TRAPPC9: variants seen among roughly 807,000 people sequenced by gnomAD.
The protein encoded by TRAPPC9 is IKK2 binding protein.
In TRAPPC9, 83 loss-of-function variants were observed where a neutral mutation model predicts 124.0. The observed-to-expected ratio is 0.67, with a 90% CI of 0.56 to 0.80. The LOEUF is 0.80. Among genes scored for constraint, TRAPPC9 ranks in the 30% least tolerant of loss-of-function variants. The pLI, the probability that TRAPPC9 is intolerant of heterozygous loss-of-function variation, is 0.00. For synonymous variants in TRAPPC9, 638 were observed against 617.5 expected, an observed-to-expected ratio of 1.03 and a Z score of -0.49; for missense variants, 1,302 against 1,508.3, an observed-to-expected ratio of 0.86 and a Z score of 2.27.
At chr8:140,062,735 T>C (rs1842696236) in intron 17 of TRAPPC9, among the ~76,000 whole-genome samples, 1 of 152,136 alleles carries the variant, frequency 6.6e-6, no homozygotes, top group Non-Finnish European at 1.5e-5. Context: ...CACTGCGTCA[T>C]TACCGGCACG....
intron 17 of TRAPPC9, among the ~76,000 whole-genome samples, chr8:140,105,029 G>T (rs76077994): frequency 0.013 from 1,979 of 152,232 alleles, 50 homozygotes; most frequent in African/African-American, 0.045. Context: ...GCCACCACTT[G>T]GCCGGCTCCA....
chr8:140,195,085 A>G (rs979824518), intron 17 of TRAPPC9, among the ~76,000 whole-genome samples: 3 of 151,702 alleles, frequency 2.0e-5, no homozygotes, highest in Non-Finnish European at 4.4e-5. Context: ...ACACTCAAGG[A>G]TCCACCATAC....
intron 7 of TRAPPC9, among the ~76,000 whole-genome samples, chr8:140,397,203 T>C (rs894783720): frequency 1.3e-5 from 2 of 152,332 alleles, no homozygotes; most frequent in Non-Finnish European, 2.9e-5. Flanking sequence ...TAAAGTATTA[T>C]TTGCTGGGTT....
intron 16 of TRAPPC9, among the ~76,000 whole-genome samples, chr8:140,245,418 A>T (rs2063958107): frequency 6.6e-6 from 1 of 152,110 alleles, no homozygotes; most frequent in South Asian, 2.1e-4. Flanking sequence ...TGCGTCATTT[A>T]ACTCTCTCTT....
intron 21 of TRAPPC9, among the ~76,000 whole-genome samples, chr8:139,741,578 A>G (rs1161831882): frequency 2.0e-5 from 3 of 152,208 alleles, no homozygotes; most frequent in Non-Finnish European, 4.4e-5. Context: ...AGTGGTTCGT[A>G]GTATATTCAG....
At chr8:140,115,754 T>C (rs2060871526) in intron 17 of TRAPPC9, among the ~76,000 whole-genome samples, 1 of 152,100 alleles carries the variant, frequency 6.6e-6, no homozygotes, top group South Asian at 2.1e-4. Flanking sequence ...ATACAGCCTT[T>C]GGAACCAGAT....
intron 17 of TRAPPC9, among the ~76,000 whole-genome samples, chr8:140,187,417 T>G (rs1027354577): frequency 6.6e-6 from 1 of 152,160 alleles, no homozygotes; most frequent in African/African-American, 2.4e-5. Flanking sequence ...ACGCTCGACC[T>G]ATACTAAGAA....
chr8:139,960,818 G>T (rs1234697556), intron 19 of TRAPPC9, among the ~76,000 whole-genome samples: 1 of 125,066 alleles, frequency 8.0e-6, no homozygotes, highest in Non-Finnish European at 1.9e-5. Flanking sequence ...ACTGCAGCTG[G>T]TGGGGCTCAG....
At chr8:140,457,801 A>G (rs1026249663), upstream of TRAPPC9, 35 of 1,025,560 alleles carry the variant, frequency 3.4e-5, no homozygotes, top group African/African-American at 5.8e-4. Context: ...TGGGCCCCCG[A>G]TCCGTCCCGG....
chr8:140,170,763 C>A (rs2061951067), intron 17 of TRAPPC9, among the ~76,000 whole-genome samples: 1 of 152,170 alleles, frequency 6.6e-6, no homozygotes, highest in Non-Finnish European at 1.5e-5. Context: ...GGTCACAACA[C>A]CCTCATTTCC....
chr8:140,076,351 C>A (rs921008863), intron 17 of TRAPPC9, among the ~76,000 whole-genome samples: 3 of 152,184 alleles, frequency 2.0e-5, no homozygotes, highest in African/African-American at 7.2e-5. Context: ...GTGACACTCT[C>A]CAGTGACACC....
At chr8:140,148,787 T>C (rs2061498417) in intron 17 of TRAPPC9, among the ~76,000 whole-genome samples, 1 of 152,230 alleles carries the variant, frequency 6.6e-6, no homozygotes, top group South Asian at 2.1e-4. Flanking sequence ...TGGGGACTAG[T>C]AAGCTCATAG....
intron 21 of TRAPPC9, among the ~76,000 whole-genome samples, chr8:139,832,444 G>A (rs1472879954): frequency 2.6e-5 from 4 of 152,322 alleles, no homozygotes; most frequent in African/African-American, 2.4e-5. Context: ...GGTCTGGGAC[G>A]AGCAGGTATG....
rs112251508 is a variant in TRAPPC9, at chr8:140,052,928, C to T, written c.2557-28849G>A. On this transcript the variant is annotated intron_variant, in intron 17 of 22. Transcript: ENST00000438773. ...AACCACTGCACTCCAGCCTGAGTGA[C>T]AAAGTGAGACCCTGTCTCAAAATAA... Among the ~76,000 whole-genome samples, 1,078 of 152,238 alleles carry T rather than the reference C, an allele frequency of 7.1e-3. 7 individuals carry two copies. The highest frequency in any genetic ancestry group is 0.023 in the African/African-American group (959 of 41,522).
intron 21 of TRAPPC9, among the ~76,000 whole-genome samples, chr8:139,797,150 C>T (rs1002436081): frequency 2.6e-5 from 4 of 151,468 alleles, no homozygotes; most frequent in African/African-American, 9.7e-5. Flanking sequence ...GGATACCAGT[C>T]CCTTATCAGA....
rs148805943 is a variant in TRAPPC9, at chr8:139,885,922, G to T, written c.3012C>A (p.Asn1004Lys). The change falls in exon 21 of 23, where the codon AAC becomes AAA. Residue 1004 changes from asparagine to lysine, a missense_variant. Physicochemically the swap from Asn to Lys is moderately conservative, Grantham distance 94. This residue lies in a region of TRAPPC9 where 640 missense variants were observed against 679.3 expected (regional missense o/e 0.94). Transcript: ENST00000438773. ...GCTGCAGGTGCTCCAGGACGAGCTG[G>T]TTCAGGAGTCCTTCCACACTCGCCT... ...SGEASVEGLL[N>K]QLVLEHLQLA... 3 of 1,574,250 alleles carry T rather than the reference G, an allele frequency of 1.9e-6. No homozygotes were observed. Among genetic ancestry groups the T allele is most frequent in the Non-Finnish European group, 2.6e-6 (3 of 1,159,188 alleles).
intron 1 of TRAPPC9, among the ~76,000 whole-genome samples, chr8:140,453,166 A>G (rs1273828822): frequency 2.0e-5 from 3 of 152,122 alleles, no homozygotes. Context: ...GCCTCGATAC[A>G]CACCTCCACT....
intron 17 of TRAPPC9, among the ~76,000 whole-genome samples, chr8:140,100,943 T>C (rs996787940): frequency 9.2e-5 from 14 of 152,334 alleles, no homozygotes; most frequent in Admixed American, 2.6e-4. Context: ...AAAGGACTAG[T>C]AACAGCCTCA....
chr8:140,133,176 GC>G (rs2061236106), intron 17 of TRAPPC9, among the ~76,000 whole-genome samples: 1 of 152,172 alleles, frequency 6.6e-6, no homozygotes. Flanking sequence ...ATACTAGGAA[GC>G]CAAACTGAAC....
Sources: gnomAD v4.1 joint callset for allele counts (sites outside exome capture counted in the v4.1 genomes callset) on GRCh38, gnomAD v4.1.1 for gene constraint, gnomAD v4.1.1 regional missense constraint, MANE v1.5 for transcripts, NCBI Gene and HGNC (gene_info 2026-07-23, HGNC 2026-07-21) for gene names.